Variants in LRRC37A2 observed in about 807,000 individuals in gnomAD.
LRRC37A2 encodes leucine-rich repeat-containing protein 37A2.
Under a neutral mutation model 68.8 loss-of-function variants are expected in LRRC37A2, and 9 were observed. That is an observed-to-expected ratio of 0.13 (90% CI 0.08 to 0.23). LRRC37A2 has a LOEUF of 0.23. Ranked by LOEUF, LRRC37A2 falls within the 10% of genes least tolerant of loss-of-function variation. The pLI, the probability that LRRC37A2 is intolerant of heterozygous loss-of-function variation, is 1.00. For synonymous variants in LRRC37A2, 63 were observed against 367.6 expected (o/e 0.17, Z 9.48); for missense variants, 168 against 950.4 (o/e 0.18, Z 10.82).
the LRRC37A2 span, among the ~76,000 whole-genome samples, chr17:46,895,790 A>G: frequency 6.6e-6 from 1 of 152,016 alleles, no homozygotes; most frequent in Admixed American, 6.5e-5. Context: ...ATTTTCTGCT[A>G]CTCCAAGAAT....
the LRRC37A2 span, among the ~76,000 whole-genome samples, chr17:46,877,450 C>T: frequency 6.6e-6 from 1 of 152,144 alleles, no homozygotes; most frequent in Non-Finnish European, 1.5e-5. Context: ...CTCACCCAGC[C>T]GTGCTCAAAA....
chr17:46,794,131 G>A, the LRRC37A2 span, among the ~76,000 whole-genome samples: 4 of 152,072 alleles, frequency 2.6e-5, no homozygotes, highest in Non-Finnish European at 5.9e-5. Flanking sequence ...GGGGCGTGGG[G>A]GAGAGCAAGT....
chr17:46,948,079 A>G, the LRRC37A2 span, among the ~76,000 whole-genome samples: 10 of 152,192 alleles, frequency 6.6e-5, 1 homozygote, highest in South Asian at 2.1e-3. Flanking sequence ...CCTAGAAGTG[A>G]TTTTTGTCAG....
chr17:46,980,098 A>G, the LRRC37A2 span, among the ~76,000 whole-genome samples: 1 of 144,752 alleles, frequency 6.9e-6, no homozygotes, highest in African/African-American at 2.5e-5. Flanking sequence ...GATTGCTTCC[A>G]CCTCCCGCCC....
the LRRC37A2 span, among the ~76,000 whole-genome samples, chr17:46,907,563 T>A: frequency 2.0e-5 from 3 of 147,936 alleles, no homozygotes; most frequent in Admixed American, 7.0e-5. Flanking sequence ...TTTTTTTTTT[T>A]AAAGGGCTCA....
the LRRC37A2 span, chr17:46,749,862 C>G: frequency 6.2e-7 from 1 of 1,614,140 alleles, no homozygotes; most frequent in Non-Finnish European, 8.5e-7. Flanking sequence ...CCACCATCCA[C>G]GTGCCCAACA....
At chr17:47,023,807 C>T in the LRRC37A2 span, among the ~76,000 whole-genome samples, 1 of 152,100 alleles carries the variant, frequency 6.6e-6, no homozygotes, top group Non-Finnish European at 1.5e-5. Flanking sequence ...GTTGGCCAGG[C>T]TGGTCTCAAA....
the LRRC37A2 span, among the ~76,000 whole-genome samples, chr17:46,793,646 A>G: frequency 4.4e-3 from 672 of 152,266 alleles, 7 homozygotes; most frequent in African/African-American, 0.015. Context: ...AAGGTGGCAG[A>G]GGGTTAACAA....
chr17:46,831,090 G>T, the LRRC37A2 span, among the ~76,000 whole-genome samples: 1 of 152,314 alleles, frequency 6.6e-6, no homozygotes, highest in African/African-American at 2.4e-5. Flanking sequence ...AGCAGAACAG[G>T]TATGCATGCA....
chr17:46,928,318 G>A, the LRRC37A2 span, among the ~76,000 whole-genome samples: 1 of 152,194 alleles, frequency 6.6e-6, no homozygotes, highest in African/African-American at 2.4e-5. Flanking sequence ...TGCCTGGCTG[G>A]CATTGGTAGA....
the LRRC37A2 span, among the ~76,000 whole-genome samples, chr17:46,989,988 C>T: frequency 1.3e-5 from 2 of 152,220 alleles, no homozygotes; most frequent in African/African-American, 4.8e-5. Context: ...ATTGTTAAGC[C>T]ATTCCGTTTT....
At chr17:46,991,232 G>A in the LRRC37A2 span, among the ~76,000 whole-genome samples, 1 of 152,072 alleles carries the variant, frequency 6.6e-6, no homozygotes, top group Non-Finnish European at 1.5e-5. Flanking sequence ...TCTAAATACT[G>A]CATATTTGAA....
At chr17:46,987,179 G>C in the LRRC37A2 span, among the ~76,000 whole-genome samples, 1 of 152,098 alleles carries the variant, frequency 6.6e-6, no homozygotes, top group African/African-American at 2.4e-5. Context: ...GGAGGCGGAG[G>C]TTGCAGTGAG....
the LRRC37A2 span, among the ~76,000 whole-genome samples, chr17:46,739,156 G>A: frequency 1.2e-3 from 181 of 152,286 alleles, 2 homozygotes; most frequent in Middle Eastern, 0.027. Context: ...GATCATTCAA[G>A]GTCAGGAGTT....
intron 8 of LRRC37A2, among the ~76,000 whole-genome samples, chr17:46,541,958 T>G (rs1336523715): frequency 9.5e-5 from 13 of 137,258 alleles, no homozygotes; most frequent in Admixed American, 2.9e-4. Flanking sequence ...AAATGCCATC[T>G]CTACTAAAAA....
the LRRC37A2 span, chr17:46,911,543 G>A: frequency 2.6e-5 from 4 of 152,170 alleles, no homozygotes; most frequent in South Asian, 8.3e-4. Flanking sequence ...GCATAGCTTT[G>A]GATGTTTTAC....
chr17:46,870,447 ACCCATTTG>A, the LRRC37A2 span, among the ~76,000 whole-genome samples: 1 of 152,064 alleles, frequency 6.6e-6, no homozygotes, highest in Non-Finnish European at 1.5e-5. Context: ...CTGGAAAATT[ACCCATTTG>A]CCCCCAGATT....
At chr17:46,755,443 G>GT in the LRRC37A2 span, 2 of 1,227,894 alleles carry the variant, frequency 1.6e-6, no homozygotes, top group South Asian at 2.4e-5. Context: ...TATTCTAAGA[G>GT]TTGCTTTCCT....
At chr17:47,013,176 G>C in the LRRC37A2 span, among the ~76,000 whole-genome samples, 1 of 152,232 alleles carries the variant, frequency 6.6e-6, no homozygotes, top group Non-Finnish European at 1.5e-5. Context: ...ACAGAAAGTA[G>C]ACTAGTGGTT....
Sources: gnomAD v4.1 joint callset for allele counts (sites outside exome capture counted in the v4.1 genomes callset) on GRCh38, gnomAD v4.1.1 for gene constraint, MANE v1.5 for transcripts, NCBI Gene and HGNC (gene_info 2026-07-23, HGNC 2026-07-21) for gene names.